The following DPY19L2 variants were observed in gnomAD, a reference collection of about 807,000 sequenced individuals.
The protein encoded by DPY19L2 is dpy-19 like 2.
Under a neutral mutation model 97.9 loss-of-function variants are expected in DPY19L2, and 34 were observed. The ratio of observed to expected loss-of-function variants is 0.35; its 90% CI spans 0.26 to 0.46. DPY19L2 has a LOEUF of 0.46. DPY19L2 is among the 20% of genes least tolerant of loss of function. The pLI is 1.00. For missense variants in DPY19L2, 623 were observed against 911.4 expected (o/e 0.68, Z 4.07); for synonymous variants, 230 against 307.9 (o/e 0.75, Z 2.65).
chr12:63,588,826 T>C (rs369325421), intron 16 of DPY19L2, among the ~76,000 whole-genome samples: 2 of 149,128 alleles, frequency 1.3e-5, no homozygotes, highest in East Asian at 2.1e-4. Flanking sequence ...CGATCTCAGC[T>C]CACTGAAACC....
intron 4 of DPY19L2, among the ~76,000 whole-genome samples, chr12:63,657,187 GA>G (rs1162173513): frequency 6.6e-6 from 1 of 152,138 alleles, no homozygotes; most frequent in African/African-American, 2.4e-5. Flanking sequence ...TTATTGTAGG[GA>G]TTTGTGTTAA....
intron 9 of DPY19L2, among the ~76,000 whole-genome samples, chr12:63,620,522 A>G (rs1272580810): frequency 3.9e-5 from 6 of 152,202 alleles, no homozygotes; most frequent in Non-Finnish European, 7.4e-5. Flanking sequence ...AGTCTTTCAC[A>G]TGCCGAGCCT....
intron 11 of DPY19L2, among the ~76,000 whole-genome samples, chr12:63,613,546 A>G (rs1887353163): frequency 6.6e-6 from 1 of 152,172 alleles, no homozygotes; most frequent in South Asian, 2.1e-4. Flanking sequence ...CAAAACTTAC[A>G]TTTCAAAATG....
chr12:63,645,361 C>G lies in DPY19L2; in HGVS notation c.710-865G>C, dbSNP rs541628432. Among the ~76,000 whole-genome samples the G allele has an allele frequency of 3.3e-5, 5 of 152,214 alleles. No homozygotes were observed. In the East Asian group the frequency reaches 7.7e-4, roughly 24 times the overall value. ...GTACCACTCTTTAATATTGGACCAC[C>G]TTAGGCTCTGTCATATCCCCCCTTC... On this transcript the variant is annotated intron_variant, in intron 5 of 21. Transcript: ENST00000324472.
intron 12 of DPY19L2, among the ~76,000 whole-genome samples, chr12:63,606,473 A>G (rs1056427969): frequency 2.0e-5 from 3 of 152,154 alleles, no homozygotes; most frequent in African/African-American, 7.2e-5. Flanking sequence ...TATTTTCTGC[A>G]TCTAATGGGA....
At chr12:63,561,263 T>C (rs1419371124) in intron 21 of DPY19L2, among the ~76,000 whole-genome samples, 2 of 152,202 alleles carry the variant, frequency 1.3e-5, no homozygotes, top group Non-Finnish European at 2.9e-5. Flanking sequence ...AATTTTTTAA[T>C]ATCTATATTG....
chr12:63,578,860 A>G (rs1053274838), intron 19 of DPY19L2, among the ~76,000 whole-genome samples: 1 of 152,040 alleles, frequency 6.6e-6, no homozygotes, highest in African/African-American at 2.4e-5. Context: ...ATGTCATGCT[A>G]TGGGGAGGAG....
In DPY19L2 at chr12:63,600,475, T is replaced by A. The variant is rs570750712; in HGVS notation, c.1279-89A>T. On this transcript the variant is annotated intron_variant, in intron 12 of 21. Coordinates refer to ENST00000324472, the MANE Select transcript of DPY19L2 (RefSeq NM_173812.5). ...ATGTCTACAAATGACATAGAAAAAA[T>A]TTAATTATGTGAGGTATAAATGGTG... 6.6e-5 allele frequency: 74 copies of A among 1,117,480 alleles called. No individual in the cohort carries two copies. In the East Asian group the frequency reaches 1.5e-3, roughly 23 times the overall value. The allele number at this position is 1,117,480 out of a possible 1,614,324, so 69.2% of individuals were successfully genotyped here.
chr12:63,637,391 A>G (rs553456154), intron 6 of DPY19L2, among the ~76,000 whole-genome samples: 55 of 152,006 alleles, frequency 3.6e-4, no homozygotes, highest in Non-Finnish European at 4.6e-4. Context: ...TAGAGACACA[A>G]AAAACTCTTT....
At chr12:63,642,478 C>T (rs1333725660) in intron 6 of DPY19L2, among the ~76,000 whole-genome samples, 3 of 152,088 alleles carry the variant, frequency 2.0e-5, no homozygotes, top group Non-Finnish European at 4.4e-5. Flanking sequence ...TTTAATCCAA[C>T]TTGGATGTAT....
chr12:63,563,829 T>C (rs1358604426), intron 21 of DPY19L2, among the ~76,000 whole-genome samples: 6 of 152,172 alleles, frequency 3.9e-5, no homozygotes, highest in Admixed American at 6.5e-5. Context: ...GTTTGTAGAA[T>C]TGGAATTATT....
In DPY19L2 at chr12:63,597,877, A is replaced by G. The variant is rs759935633; in HGVS notation, c.1393T>C (p.Leu465=). The change falls in exon 14 of 22, where the codon TTA becomes CTA. Residue 465 remains leucine, a synonymous_variant. Transcript: ENST00000324472. ...AAAGTATCAAAATCTGTATACCTTA[A>G]GATTCTGGCTGCTATAAGATCACTC... ...RLSDLIAARI[L]RYTDFDTLIY... is the part of the protein sequence containing the mutation. The G allele has an allele frequency of 2.5e-6, 4 of 1,602,452 alleles. No individual in the cohort carries two copies. The Admixed American group carries it at 7.0e-5, about 28-fold the overall frequency.
In DPY19L2 at chr12:63,560,536, C is replaced by T; in HGVS notation, c.2253G>A (p.Val751=). The T allele has an allele frequency of 6.2e-7, 1 of 1,613,890 alleles. No homozygotes were observed. The highest frequency in any genetic ancestry group is 8.5e-7 in the Non-Finnish European group (1 of 1,179,880). Residue 751 remains valine, a synonymous_variant, in exon 22 of 22, where the codon GTG becomes GTA. Transcript: ENST00000324472. ...PYFTTVFQNS[V]YRVLKVN ...CTCAGTTAACCTTTAATACTCTGTA[C>T]ACACTATTCTGAAATACTGTGGTGA...
chr12:63,600,188 G>T, intron 13 of DPY19L2, 118 bp downstream of exon 13: 1 of 760,202 alleles, frequency 1.3e-6, no homozygotes. Flanking sequence ...CTCGTCTAGA[G>T]ACCTTAGAGA....
intron 12 of DPY19L2, among the ~76,000 whole-genome samples, chr12:63,605,530 C>T (rs139020121): frequency 0.03 from 4,501 of 152,238 alleles, 104 homozygotes; most frequent in Middle Eastern, 0.082. Context: ...CATACACACA[C>T]ACGTGTGCAC....
intron 3 of DPY19L2, among the ~76,000 whole-genome samples, chr12:63,663,253 A>G (rs1895917346): frequency 6.6e-6 from 1 of 152,200 alleles, no homozygotes; most frequent in African/African-American, 2.4e-5. Context: ...ACTCCTCACA[A>G]TAATTATGTG....
intron 6 of DPY19L2, among the ~76,000 whole-genome samples, chr12:63,635,110 A>G (rs1462279348): frequency 1.3e-5 from 2 of 152,064 alleles, no homozygotes; most frequent in African/African-American, 2.4e-5. Flanking sequence ...AGGCAGCAAC[A>G]TTTGCTGTTC....
At chr12:63,595,794 C>T (rs1349660604) in intron 15 of DPY19L2, among the ~76,000 whole-genome samples, 172 bp downstream of exon 15, 3 of 151,894 alleles carry the variant, frequency 2.0e-5, no homozygotes, top group Non-Finnish European at 2.9e-5. Flanking sequence ...AATAAGAATA[C>T]CTTTTATCAT....
chr12:63,559,530 G>C lies in DPY19L2; in HGVS notation c.*982C>G. On this transcript the variant is annotated 3_prime_UTR_variant, in exon 22 of 22. Coordinates refer to ENST00000324472, the MANE Select transcript of DPY19L2 (RefSeq NM_173812.5). ...GTTGGGTAGGTTTTATTAGGGGAGA[G>C]GACTTAGAAAACATGACTTTCCTCA... The C allele has an allele frequency of 6.6e-6, 1 of 152,466 alleles. No individual in the cohort carries two copies. Among genetic ancestry groups the C allele is most frequent in the Non-Finnish European group, 1.5e-5 (1 of 68,006 alleles). 9.4% of individuals were successfully genotyped at this position (152,466 alleles called of 1,614,324 possible). A position where few individuals can be genotyped will look rare whatever the true frequency, so the allele number is the denominator to read the frequency against.
Sources: gnomAD v4.1 joint callset for allele counts (sites outside exome capture counted in the v4.1 genomes callset) on GRCh38, gnomAD v4.1.1 for gene constraint, MANE v1.5 for transcripts, NCBI Gene and HGNC (gene_info 2026-07-23, HGNC 2026-07-21) for gene names.